The following CWC27 variants were observed in gnomAD, a reference collection of about 807,000 sequenced individuals.
CWC27 encodes CWC27 spliceosome associated cyclophilin.
In CWC27, 47 loss-of-function variants were observed where a neutral mutation model predicts 63.6. That is an observed-to-expected ratio of 0.74 (90% CI 0.58 to 0.94). The LOEUF (loss-of-function observed/expected upper bound fraction) is 0.94, where lower values mean the gene tolerates loss of function less well. Among genes scored for constraint, CWC27 ranks in the 40% least tolerant of loss-of-function variants. CWC27 has a pLI of 0.00. For missense variants in CWC27, 495 were observed against 554.3 expected, an observed-to-expected ratio of 0.89 and a Z score of 1.07; for synonymous variants, 175 against 179.8, an observed-to-expected ratio of 0.97 and a Z score of 0.22.
At chr5:64,909,259 A>ACCTC in intron 11 of CWC27, among the ~76,000 whole-genome samples, 1 of 151,528 alleles carries the variant, frequency 6.6e-6, no homozygotes, top group East Asian at 1.9e-4. Context: ...TTCAGTGGAA[A>ACCTC]CCTCTGCTGA....
chr5:64,914,028 C>G (rs1272562473), intron 11 of CWC27, among the ~76,000 whole-genome samples: 2 of 152,068 alleles, frequency 1.3e-5, no homozygotes, highest in African/African-American at 4.8e-5. Context: ...AACAGACCCA[C>G]ACACATAAAA....
chr5:64,961,600 G>T (rs1748913386), intron 11 of CWC27, among the ~76,000 whole-genome samples: 1 of 151,908 alleles, frequency 6.6e-6, no homozygotes, highest in African/African-American at 2.4e-5. Flanking sequence ...TTAATTTCTG[G>T]AATGAAAAGC....
chr5:64,940,155 A>C (rs1713893276), intron 11 of CWC27, among the ~76,000 whole-genome samples: 1 of 152,048 alleles, frequency 6.6e-6, no homozygotes, highest in Non-Finnish European at 1.5e-5. Flanking sequence ...TCCAGGTGCC[A>C]CTGGGGTATG....
At chr5:64,772,712 C>T (rs993998094) in intron 1 of CWC27, among the ~76,000 whole-genome samples, 1 of 141,746 alleles carries the variant, frequency 7.1e-6, no homozygotes, top group African/African-American at 2.7e-5. Context: ...CTGAGGCGGG[C>T]GGATCATGAG....
At chr5:64,876,205 C>CAGCTGATGAT (rs2112331441) in intron 10 of CWC27, among the ~76,000 whole-genome samples, 1 of 152,220 alleles carries the variant, frequency 6.6e-6, no homozygotes, top group Admixed American at 6.5e-5. Flanking sequence ...ATCTCTGCTA[C>CAGCTGATGAT]AGCTGATGAT....
chr5:64,874,829 G>A (rs1170986823), intron 10 of CWC27, among the ~76,000 whole-genome samples: 1 of 151,306 alleles, frequency 6.6e-6, no homozygotes, highest in Non-Finnish European at 1.5e-5. Flanking sequence ...ACTTCTATGT[G>A]TTGAGTCACA....
chr5:64,801,048 G>A (rs1000838152), intron 8 of CWC27, among the ~76,000 whole-genome samples: 10 of 151,924 alleles, frequency 6.6e-5, no homozygotes, highest in East Asian at 1.9e-4. Context: ...TAACACTGTC[G>A]GTTGTTGTTT....
intron 12 of CWC27, among the ~76,000 whole-genome samples, chr5:64,972,973 T>C (rs1749153175): frequency 1.3e-5 from 2 of 152,136 alleles, no homozygotes. Flanking sequence ...CTTACATGGC[T>C]TAAGAATCTG....
intron 10 of CWC27, among the ~76,000 whole-genome samples, chr5:64,853,080 C>A (rs1175172066): frequency 6.6e-6 from 1 of 152,134 alleles, no homozygotes; most frequent in Non-Finnish European, 1.5e-5. Flanking sequence ...TCTATTCTCT[C>A]TAGGGTTCCT....
intron 11 of CWC27, among the ~76,000 whole-genome samples, chr5:64,936,708 G>A (rs537414404): frequency 1.3e-5 from 2 of 152,194 alleles, no homozygotes; most frequent in East Asian, 1.9e-4. Flanking sequence ...GGTAGAATTC[G>A]GCTGTGAATC....
At chr5:64,965,620 T>C (rs1480813132) in intron 11 of CWC27, among the ~76,000 whole-genome samples, 1 of 152,206 alleles carries the variant, frequency 6.6e-6, no homozygotes, top group Non-Finnish European at 1.5e-5. Flanking sequence ...ATTTAAATCA[T>C]AATGAAAAGC....
At chr5:64,977,392 A>G (rs907581104) in intron 13 of CWC27, among the ~76,000 whole-genome samples, 154 bp downstream of exon 13, 4 of 152,224 alleles carry the variant, frequency 2.6e-5, no homozygotes, top group Non-Finnish European at 4.4e-5. Flanking sequence ...TCAGTTCAAT[A>G]TAAAGTAAAA....
At chr5:64,876,443 G>A (rs1041506422) in intron 10 of CWC27, among the ~76,000 whole-genome samples, 1 of 152,024 alleles carries the variant, frequency 6.6e-6, no homozygotes, top group African/African-American at 2.4e-5. Context: ...GGAAATAGCA[G>A]GCTTAAACTA....
chr5:65,005,970 G>A (rs569712675), intron 13 of CWC27, among the ~76,000 whole-genome samples: 38 of 152,084 alleles, frequency 2.5e-4, no homozygotes, highest in Non-Finnish European at 4.3e-4. Context: ...AGTCATAGGA[G>A]AAAAACTGGT....
At chr5:64,775,395 C>A (rs1366703088) in intron 2 of CWC27, among the ~76,000 whole-genome samples, 2 of 152,118 alleles carry the variant, frequency 1.3e-5, no homozygotes, top group Admixed American at 6.5e-5. Flanking sequence ...GTATTTGAAT[C>A]CTCAGGCAGC....
intron 11 of CWC27, among the ~76,000 whole-genome samples, chr5:64,914,194 C>A (rs1469221581): frequency 6.6e-6 from 1 of 152,010 alleles, no homozygotes; most frequent in African/African-American, 2.4e-5. Flanking sequence ...ATGTGAATGA[C>A]AAAGCAATAA....
At chr5:64,860,551 C>T (rs1396951521) in intron 10 of CWC27, among the ~76,000 whole-genome samples, 1 of 152,106 alleles carries the variant, frequency 6.6e-6, no homozygotes, top group African/African-American at 2.4e-5. Flanking sequence ...GCTGTTTTGA[C>T]CATGTTTTAT....
intron 7 of CWC27, among the ~76,000 whole-genome samples, chr5:64,797,438 A>C (rs1188044623): frequency 2.0e-5 from 3 of 152,120 alleles, no homozygotes; most frequent in Non-Finnish European, 4.4e-5. Flanking sequence ...GTGGGAAGAG[A>C]GGCCTAACAA....
At chr5:64,894,158 G>A (rs1021117474) in intron 11 of CWC27, among the ~76,000 whole-genome samples, 16 of 152,050 alleles carry the variant, frequency 1.1e-4, no homozygotes, top group Non-Finnish European at 1.2e-4. Context: ...TCGAACTCCA[G>A]ACCTCGTGAT....
Sources: allele counts gnomAD v4.1 joint callset (sites outside exome capture counted in the v4.1 genomes callset), GRCh38; gene constraint gnomAD v4.1.1; transcripts MANE v1.5; gene names NCBI Gene and HGNC (gene_info 2026-07-23, HGNC 2026-07-21).